The following IL1RN variants were observed in gnomAD, a reference collection of about 807,000 sequenced individuals.
IL1RN encodes the protein interleukin-1 receptor antagonist protein.
In IL1RN, 10 loss-of-function variants were observed where a neutral mutation model predicts 13.7. The observed-to-expected ratio is 0.73, with a 90% CI of 0.45 to 1.24. The LOEUF (loss-of-function observed/expected upper bound fraction) is 1.24. IL1RN is among the 50% of genes most tolerant of loss of function. IL1RN has a pLI of 0.00. For synonymous variants in IL1RN, 102 were observed against 82.7 expected (o/e 1.23, Z -1.27); for missense variants, 213 against 222.1 (o/e 0.96, Z 0.26).
chr2:113,132,561 T>G (rs1481341457), intron 3 of IL1RN, 95 bp from the exon 4 acceptor site: 20 of 1,132,776 alleles, frequency 1.8e-5, no homozygotes, highest in African/African-American at 3.1e-5. Context: ...AACTCTGGGC[T>G]GTCCAGAGGG....
At position 113,133,016 on chromosome 2, in the gene IL1RN, G is replaced by T. The variant is rs1031954976; in HGVS notation, c.*145G>T. On this transcript the variant is annotated 3_prime_UTR_variant, in exon 4 of 4. Transcript: ENST00000409930. ...CCTCAGAAGGCGTCACAACAACCTG[G>T]TCACAGGACTCTGCCTCCTCTTCAA... 7 of 753,010 alleles carry T rather than the reference G, an allele frequency of 9.3e-6. No individual in the cohort carries two copies. The African/African-American group carries it at 1.2e-4, about 13-fold the overall frequency. The allele number at this position is 753,010 out of a possible 1,614,324, so 46.6% of individuals were successfully genotyped here.
Position 113,132,702 on chromosome 2 carries a change from G to A in IL1RN, c.365G>A (p.Arg122His), listed in dbSNP as rs373101669. 9.9e-6 allele frequency: 16 copies of A among 1,614,128 alleles called. No individual in the cohort carries two copies. The highest frequency in any genetic ancestry group is 1.6e-4 in the Middle Eastern group (1 of 6,084). Residue 122 changes from arginine (R) to histidine (H), a missense_variant, in exon 4 of 4, where the codon CGC becomes CAC. Coordinates refer to ENST00000409930, the MANE Select transcript of IL1RN (RefSeq NM_173842.3). ...AGCGAGAACAGAAAGCAGGACAAGCGCTTCGCCTTCATCCGCTCAGACAGT... is the reference window on the plus strand; with the variant it reads ...AGCGAGAACAGAAAGCAGGACAAGCACTTCGCCTTCATCCGCTCAGACAGT... ...DLSENRKQDKRFAFIRSDSGP... is the reference protein window; with the variant it reads ...DLSENRKQDKHFAFIRSDSGP...
intron 1 of IL1RN, among the ~76,000 whole-genome samples, chr2:113,127,943 G>A (rs563785954): frequency 7.2e-5 from 11 of 152,348 alleles, no homozygotes; most frequent in African/African-American, 2.4e-4. Context: ...TGGATAGTGC[G>A]ACCGGAGGGC....
intron 2 of IL1RN, 130 bp from the exon 3 acceptor site, chr2:113,130,915 C>A (rs1458243641): frequency 5.7e-6 from 4 of 705,582 alleles, no homozygotes; most frequent in Admixed American, 2.0e-5. Context: ...GAAGATGAGA[C>A]CTCTCTGCCC....
intron 1 of IL1RN, 94 bp downstream of exon 1, chr2:113,127,834 C>A: frequency 7.8e-7 from 1 of 1,288,922 alleles, no homozygotes; most frequent in Non-Finnish European, 1.1e-6. Context: ...CCCAGAGGGC[C>A]TGAGAACTGG....
rs527534972 is a variant in IL1RN, at chr2:113,133,267, C to T, written c.*396C>T. 3.4e-6 allele frequency: 1 copy of T among 298,358 alleles called. No homozygotes were observed. Among genetic ancestry groups the T allele is most frequent in the African/African-American group, 2.1e-5 (1 of 46,654 alleles). The allele number at this position is 298,358 out of a possible 1,614,324, so 18.5% of individuals were successfully genotyped here. A position where few individuals can be genotyped will look rare whatever the true frequency, so the allele number is the denominator to read the frequency against. On this transcript the variant is annotated 3_prime_UTR_variant, in exon 4 of 4. Coordinates refer to ENST00000409930, the MANE Select transcript of IL1RN (RefSeq NM_173842.3). ...ATGACCCCCAACCAAGTGGCTCCCA[C>T]ACCCTGTTTTACAAAAAAGAAAAGA...
At chr2:113,110,545 C>T (rs1446366285), upstream of IL1RN, among the ~76,000 whole-genome samples, 3 of 152,318 alleles carry the variant, frequency 2.0e-5, no homozygotes, top group South Asian at 2.1e-4. Flanking sequence ...GCTCCCAGTG[C>T]CCCCTCAATT....
intron 1 of IL1RN, among the ~76,000 whole-genome samples, chr2:113,128,727 G>T (rs1373442014): frequency 1.3e-5 from 2 of 152,178 alleles, no homozygotes; most frequent in African/African-American, 4.8e-5. Flanking sequence ...GGGCTCTTCA[G>T]AGCCACCTGA....
chr2:113,120,667 A>G (rs1177369112), intron 2 of IL1RN, among the ~76,000 whole-genome samples: 1 of 152,184 alleles, frequency 6.6e-6, no homozygotes, highest in Non-Finnish European at 1.5e-5. Flanking sequence ...TTTCCCTGTA[A>G]CCTGTGTAAG....
chr2:113,104,985 AC>A (rs1686366046), upstream of IL1RN, among the ~76,000 whole-genome samples: 1 of 152,236 alleles, frequency 6.6e-6, no homozygotes, highest in South Asian at 2.1e-4. Context: ...ATCACAAATT[AC>A]CATAACACAG....
chr2:113,117,079 C>A (rs957086126), upstream of IL1RN, among the ~76,000 whole-genome samples: 4 of 152,214 alleles, frequency 2.6e-5, no homozygotes, highest in African/African-American at 7.2e-5. Context: ...TCCCTGATGG[C>A]AGAATGCAGA....
At chr2:113,101,674 T>G in the IL1RN span, among the ~76,000 whole-genome samples, 3 of 152,226 alleles carry the variant, frequency 2.0e-5, no homozygotes, top group African/African-American at 7.2e-5. Context: ...GGCACTGGTC[T>G]AAGGACCAAC....
chr2:113,132,835 C>A lies in IL1RN; in HGVS notation c.498C>A (p.Val166=). The A allele has an allele frequency of 6.2e-7, 1 of 1,614,246 alleles. No individual in the cohort carries two copies. Among genetic ancestry groups the A allele is most frequent in the Non-Finnish European group, 8.5e-7 (1 of 1,180,038 alleles). ...TCACCAATATGCCTGACGAAGGCGT[C>A]ATGGTCACCAAATTCTACTTCCAGG... ...VSLTNMPDEG[V]MVTKFYFQED... is the part of the protein sequence containing the mutation. Residue 166 remains valine, a synonymous_variant, in exon 4 of 4, where the codon GTC becomes GTA. Transcript: ENST00000409930.
upstream of IL1RN, among the ~76,000 whole-genome samples, chr2:113,104,406 G>C (rs532241167): frequency 1.1e-4 from 17 of 152,188 alleles, no homozygotes; most frequent in Non-Finnish European, 2.1e-4. Context: ...CCAGTGAGGG[G>C]AGGGATGAAA....
intron 2 of IL1RN, chr2:113,121,650 T>G: frequency 5.3e-6 from 5 of 949,440 alleles, no homozygotes; most frequent in Non-Finnish European, 6.3e-6. Flanking sequence ...GAGAGGAGAG[T>G]AGCTTCTTGT....
chr2:113,117,180 A>C (rs1435509510), upstream of IL1RN, among the ~76,000 whole-genome samples: 1 of 152,250 alleles, frequency 6.6e-6, no homozygotes, highest in Non-Finnish European at 1.5e-5. Flanking sequence ...GCAGGGAGAG[A>C]GTATCTGGCC....
intron 1 of IL1RN, among the ~76,000 whole-genome samples, chr2:113,119,846 A>G (rs1024028002): frequency 4.6e-5 from 7 of 152,194 alleles, no homozygotes; most frequent in Non-Finnish European, 1.5e-5. Context: ...GGCCAGGAGT[A>G]TGGGAGGTAT....
upstream of IL1RN, among the ~76,000 whole-genome samples, chr2:113,105,354 A>G (rs1686372206): frequency 6.6e-6 from 1 of 152,248 alleles, no homozygotes; most frequent in African/African-American, 2.4e-5. Context: ...ATCATCTCTC[A>G]TGACAACACA....
At chr2:113,104,907 T>A (rs904143882), upstream of IL1RN, among the ~76,000 whole-genome samples, 1 of 152,200 alleles carries the variant, frequency 6.6e-6, no homozygotes, top group Non-Finnish European at 1.5e-5. Flanking sequence ...ATCTGATTTA[T>A]TTTGCCATGA....
Sources: gnomAD v4.1 joint callset for allele counts (sites outside exome capture counted in the v4.1 genomes callset) on GRCh38, gnomAD v4.1.1 for gene constraint, MANE v1.5 for transcripts, NCBI Gene and HGNC (gene_info 2026-07-23, HGNC 2026-07-21) for gene names.